Variants in UBE2E2 observed in about 807,000 individuals in gnomAD.
UBE2E2 encodes the protein ubiquitin-conjugating enzyme E2 E2.
UBE2E2 carries 6 observed loss-of-function variants against 24.7 expected under a neutral mutation model. The ratio of observed to expected loss-of-function variants is 0.24; its 90% CI spans 0.13 to 0.48. The LOEUF (loss-of-function observed/expected upper bound fraction) is 0.48, where lower values mean the gene tolerates loss of function less well. UBE2E2 is among the 20% of genes least tolerant of loss of function. UBE2E2 has a pLI of 0.99. For synonymous variants in UBE2E2, 104 were observed against 83.6 expected, an observed-to-expected ratio of 1.24 and a Z score of -1.33; for missense variants, 169 against 245.0, an observed-to-expected ratio of 0.69 and a Z score of 2.07.
intron 5 of UBE2E2, among the ~76,000 whole-genome samples, chr3:23,575,442 T>G (rs1332300771): frequency 6.6e-6 from 1 of 152,180 alleles, no homozygotes; most frequent in Non-Finnish European, 1.5e-5. Flanking sequence ...AGTTATAGTG[T>G]GTTTTCAATA....
intron 5 of UBE2E2, among the ~76,000 whole-genome samples, chr3:23,579,314 G>C (rs1457322485): frequency 3.3e-5 from 5 of 151,586 alleles, no homozygotes; most frequent in Non-Finnish European, 5.9e-5. Flanking sequence ...GAACCCAGGA[G>C]GTGGAGCTTG....
At chr3:23,530,188 G>A (rs1339658563) in intron 4 of UBE2E2, among the ~76,000 whole-genome samples, 2 of 152,110 alleles carry the variant, frequency 1.3e-5, no homozygotes, top group Non-Finnish European at 2.9e-5. Context: ...CATGGGATCA[G>A]TTTTTACAAA....
chr3:23,307,956 C>T lies in UBE2E2; in HGVS notation c.227+90644C>T, dbSNP rs866475704. ...ATCTTGAATATGCTTAAATTTTGCA[C>T]GCTTGTACATTTCTCCCAACTTACC... On this transcript the variant is annotated intron_variant, in intron 3 of 5. Transcript: ENST00000396703. 1.8e-4 allele frequency among the ~76,000 whole-genome samples: 28 copies of T among 152,084 alleles called. 1 individual carries two copies. Among genetic ancestry groups the T allele is most frequent in the African/African-American group, 9.7e-5 (4 of 41,438 alleles).
At chr3:23,309,127 T>A (rs1177387701) in intron 3 of UBE2E2, among the ~76,000 whole-genome samples, 2 of 152,306 alleles carry the variant, frequency 1.3e-5, no homozygotes, top group East Asian at 1.9e-4. Flanking sequence ...CCTGCCCACT[T>A]TGAGGGCAGG....
At chr3:23,507,421 A>G (rs892514436) in intron 4 of UBE2E2, among the ~76,000 whole-genome samples, 10 of 152,164 alleles carry the variant, frequency 6.6e-5, no homozygotes, top group African/African-American at 2.4e-4. Context: ...GTCTATTTTG[A>G]TGTCACTCCT....
At chr3:23,234,111 TTGGG>T (rs1007875327) in intron 3 of UBE2E2, among the ~76,000 whole-genome samples, 1 of 152,088 alleles carries the variant, frequency 6.6e-6, no homozygotes, top group African/African-American at 2.4e-5. Context: ...TTGAGCTTAC[TTGGG>T]TGTGGGTTGG....
chr3:23,442,240 A>G (rs1464515548), intron 3 of UBE2E2, among the ~76,000 whole-genome samples: 1 of 152,110 alleles, frequency 6.6e-6, no homozygotes, highest in Non-Finnish European at 1.5e-5. Context: ...ACACCAAACT[A>G]AATGCACTAA....
chr3:23,553,061 A>G (rs961629146), intron 5 of UBE2E2, among the ~76,000 whole-genome samples: 2 of 150,990 alleles, frequency 1.3e-5, no homozygotes, highest in African/African-American at 4.9e-5. Context: ...TTTTATGGAT[A>G]AAAGTTGAAG....
chr3:23,281,351 G>A (rs1347545937), intron 3 of UBE2E2, among the ~76,000 whole-genome samples: 2 of 152,218 alleles, frequency 1.3e-5, no homozygotes, highest in Admixed American at 1.3e-4. Flanking sequence ...AAATAACGTG[G>A]CTGGGCACTG....
At chr3:23,307,621 C>T (rs1391188214) in intron 3 of UBE2E2, among the ~76,000 whole-genome samples, 2 of 151,984 alleles carry the variant, frequency 1.3e-5, no homozygotes, top group African/African-American at 4.8e-5. Context: ...TCAGCAAGTA[C>T]TAAAGTCAAT....
intron 3 of UBE2E2, among the ~76,000 whole-genome samples, chr3:23,481,843 G>A (rs17013336): frequency 0.014 from 2,130 of 152,278 alleles, 44 homozygotes; most frequent in African/African-American, 0.047. Context: ...GATACTACAA[G>A]TTGATGGTTC....
In UBE2E2 at chr3:23,354,894, AC is replaced by A. The variant is rs565123735; in HGVS notation, c.227+137583del. On this transcript the variant is annotated intron_variant, in intron 3 of 5. Transcript: ENST00000396703. ...CCATTACTGGGTATATACCCAAAGA[AC>A]TATAAATCATGCTGCTATAAAGACA... 2.0e-5 allele frequency among the ~76,000 whole-genome samples: 3 copies of A among 152,308 alleles called. No homozygotes were observed. In the South Asian group the frequency reaches 6.2e-4, roughly 32 times the overall value.
At chr3:23,355,796 A>C (rs1695928698) in intron 3 of UBE2E2, among the ~76,000 whole-genome samples, 1 of 152,230 alleles carries the variant, frequency 6.6e-6, no homozygotes, top group Non-Finnish European at 1.5e-5. Context: ...CAGTTATTAA[A>C]GGAGAAGAAC....
chr3:23,478,179 G>C (rs563203142), intron 3 of UBE2E2, among the ~76,000 whole-genome samples: 1 of 152,340 alleles, frequency 6.6e-6, no homozygotes, highest in African/African-American at 2.4e-5. Context: ...AAAAAGTGTT[G>C]TTCTAGTATT....
chr3:23,214,229 G>T (rs902175674), intron 2 of UBE2E2, among the ~76,000 whole-genome samples: 3 of 151,948 alleles, frequency 2.0e-5, no homozygotes, highest in African/African-American at 7.3e-5. Flanking sequence ...ATTTTATATA[G>T]AATTATATGA....
At chr3:23,487,879 G>A (rs1699411104) in intron 3 of UBE2E2, among the ~76,000 whole-genome samples, 1 of 151,960 alleles carries the variant, frequency 6.6e-6, no homozygotes, top group Non-Finnish European at 1.5e-5. Flanking sequence ...TAGTCTTCTG[G>A]TTGAATTGTC....
At chr3:23,538,138 A>G (rs542439361) in intron 5 of UBE2E2, among the ~76,000 whole-genome samples, 2 of 152,344 alleles carry the variant, frequency 1.3e-5, no homozygotes, top group African/African-American at 2.4e-5. Context: ...TCCTAGAACA[A>G]TAACTACAGT....
chr3:23,324,769 C>T (rs187174075), intron 3 of UBE2E2, among the ~76,000 whole-genome samples: 1 of 149,862 alleles, frequency 6.7e-6, no homozygotes, highest in East Asian at 1.9e-4. Context: ...GATCTTTTCA[C>T]ACCTCTCTTG....
At chr3:23,565,226 G>A (rs796862224) in intron 5 of UBE2E2, among the ~76,000 whole-genome samples, 1 of 152,186 alleles carries the variant, frequency 6.6e-6, no homozygotes, top group East Asian at 1.9e-4. Flanking sequence ...TATGATGTGA[G>A]TCAAGGTATA....
Sources: gnomAD v4.1 joint callset for allele counts (sites outside exome capture counted in the v4.1 genomes callset) on GRCh38, gnomAD v4.1.1 for gene constraint, MANE v1.5 for transcripts, NCBI Gene and HGNC (gene_info 2026-07-23, HGNC 2026-07-21) for gene names.